Variants in PTPN12 observed in about 807,000 individuals in gnomAD.
The protein encoded by PTPN12 is tyrosine-protein phosphatase non-receptor type 12.
Under a neutral mutation model 97.6 loss-of-function variants are expected in PTPN12, and 29 were observed. That is an observed-to-expected ratio of 0.30 (90% CI 0.22 to 0.41). The LOEUF (loss-of-function observed/expected upper bound fraction) is 0.41, where lower values mean the gene tolerates loss of function less well. Ranked by LOEUF, PTPN12 falls within the 10% of genes least tolerant of loss-of-function variation. PTPN12 has a pLI of 1.00. For missense variants in PTPN12, 819 were observed against 926.0 expected, an observed-to-expected ratio of 0.88 and a Z score of 1.50; for synonymous variants, 327 against 300.4, an observed-to-expected ratio of 1.09 and a Z score of -0.91.
At chr7:77,549,502 A>G (rs1807380717) in intron 1 of PTPN12, among the ~76,000 whole-genome samples, 1 of 152,146 alleles carries the variant, frequency 6.6e-6, no homozygotes, top group Non-Finnish European at 1.5e-5. Flanking sequence ...ACCTAAATTT[A>G]AATTATAATT....
At chr7:77,538,040 G>C (rs984323933) in intron 1 of PTPN12, 2 of 1,008,692 alleles carry the variant, frequency 2.0e-6, no homozygotes, top group African/African-American at 3.5e-5. Context: ...GGAGGGTCGA[G>C]GCAAGGTATC....
chr7:77,588,390 T>C (rs372386915), intron 5 of PTPN12, among the ~76,000 whole-genome samples: 1 of 152,194 alleles, frequency 6.6e-6, no homozygotes, highest in African/African-American at 2.4e-5. Context: ...AATGGAACAG[T>C]GAGAATGCTC....
rs1046890026 is a variant in PTPN12, at chr7:77,545,934, T to A, written c.99+8289T>A. Reference sequence around the variant, plus strand: ...CTCAGAAAGCTTCCCTTTTATTTTATTTTATTTTATTTTTTTGAGACAAAG... The same window carrying A: ...CTCAGAAAGCTTCCCTTTTATTTTAATTTATTTTATTTTTTTGAGACAAAG... On this transcript the variant is annotated intron_variant, in intron 1 of 17. Coordinates refer to ENST00000248594, the MANE Select transcript of PTPN12 (RefSeq NM_002835.4). 6.6e-5 allele frequency: 10 copies of A among 152,244 alleles called. 1 individual carries two copies. The highest frequency in any genetic ancestry group is 2.4e-4 in the African/African-American group (10 of 41,536). The allele number at this position is 152,244 out of a possible 1,614,324, so 9.4% of individuals were successfully genotyped here.
At chr7:77,613,984 C>G (rs546074222) in intron 11 of PTPN12, among the ~76,000 whole-genome samples, 1 of 152,072 alleles carries the variant, frequency 6.6e-6, no homozygotes, top group African/African-American at 2.4e-5. Context: ...CTCAACCTCC[C>G]GGACTCAAGC....
At chr7:77,617,405 A>G (rs1788788965) in intron 11 of PTPN12, among the ~76,000 whole-genome samples, 1 of 152,148 alleles carries the variant, frequency 6.6e-6, no homozygotes, top group African/African-American at 2.4e-5. Context: ...TAAAACTATT[A>G]ATTCATCAGA....
At chr7:77,633,789 A>G (rs1296525004) in intron 14 of PTPN12, among the ~76,000 whole-genome samples, 1 of 152,068 alleles carries the variant, frequency 6.6e-6, no homozygotes, top group Non-Finnish European at 1.5e-5. Context: ...TTGGGAGTCC[A>G]AGGCGCGAGG....
chr7:77,543,691 C>T (rs1279151519), intron 1 of PTPN12, among the ~76,000 whole-genome samples: 3 of 152,126 alleles, frequency 2.0e-5, no homozygotes, highest in Non-Finnish European at 4.4e-5. Context: ...CCATAAGCCC[C>T]AGGCAACCAC....
intron 4 of PTPN12, among the ~76,000 whole-genome samples, chr7:77,584,000 A>C (rs1787604559): frequency 6.6e-6 from 1 of 152,230 alleles, no homozygotes; most frequent in Non-Finnish European, 1.5e-5. Flanking sequence ...CTTCTCAGGA[A>C]AATATATATA....
chr7:77,587,425 AATATTCATTAAACC>A (rs1236127732), intron 5 of PTPN12, among the ~76,000 whole-genome samples: 1 of 152,190 alleles, frequency 6.6e-6, no homozygotes, highest in African/African-American at 2.4e-5. Flanking sequence ...GTGAGCTTAA[AATATTCATTAAACC>A]ATGCAATAGG....
intron 12 of PTPN12, among the ~76,000 whole-genome samples, chr7:77,625,253 GTTTT>G (rs141984662): frequency 7.2e-6 from 1 of 139,346 alleles, no homozygotes; most frequent in African/African-American, 2.6e-5. Context: ...TTCTTCTTTG[GTTTT>G]TTTTTTTTTT....
intron 13 of PTPN12, among the ~76,000 whole-genome samples, chr7:77,631,473 G>A (rs1348839004): frequency 2.6e-5 from 4 of 152,254 alleles, no homozygotes; most frequent in Admixed American, 6.5e-5. Context: ...ATACAGGACC[G>A]TCGCATTTCT....
chr7:77,599,627 A>G (rs1788130510), intron 7 of PTPN12, among the ~76,000 whole-genome samples: 1 of 152,158 alleles, frequency 6.6e-6, no homozygotes, highest in African/African-American at 2.4e-5. Context: ...GGTAATAATA[A>G]TAAGTACCTT....
At chr7:77,551,678 T>C (rs1042235107) in intron 1 of PTPN12, among the ~76,000 whole-genome samples, 1 of 152,234 alleles carries the variant, frequency 6.6e-6, no homozygotes, top group Non-Finnish European at 1.5e-5. Context: ...CCCATAAACT[T>C]TGCTTCACCA....
intron 12 of PTPN12, among the ~76,000 whole-genome samples, chr7:77,620,659 A>G (rs1255677055): frequency 6.6e-6 from 1 of 152,254 alleles, no homozygotes; most frequent in Non-Finnish European, 1.5e-5. Flanking sequence ...TGTTTAAAGT[A>G]CATGATGGGG....
Position 77,583,653 on chromosome 7 carries a change from A to G in PTPN12, c.381+3A>G, listed in dbSNP as rs752967231. On this transcript the variant is annotated splice_donor_region_variant and intron_variant, in intron 4 of 17. Transcript: ENST00000248594. ...TGATATGGGAGTATAATGTTGTGGT[A>G]AGTAATTTACTTTTCACAATAAATT... 9 of 1,541,798 alleles carry G rather than the reference A, an allele frequency of 5.8e-6. 1 individual carries two copies. The East Asian group carries it at 9.0e-5, about 16-fold the overall frequency.
rs1472180663 is a variant in PTPN12 at position 77,537,749 on chromosome 7, G to T, written c.99+104G>T. 5 of 1,206,414 alleles carry T rather than the reference G, an allele frequency of 4.1e-6. No homozygotes were observed. The Admixed American group carries it at 1.3e-4, about 31-fold the overall frequency. The allele number at this position is 1,206,414 out of a possible 1,614,324, so 74.7% of individuals were successfully genotyped here. ...GCTTTGTGTACCTCTGTGAGGAGAG[G>T]GGCGGAGGGGGCGCGCACCAGCCGG... On this transcript the variant is annotated intron_variant, in intron 1 of 17. Transcript: ENST00000248594.
intron 14 of PTPN12, among the ~76,000 whole-genome samples, 198 bp downstream of exon 14, chr7:77,632,623 T>G (rs1035518507): frequency 8.5e-5 from 13 of 152,216 alleles, no homozygotes; most frequent in Non-Finnish European, 8.8e-5. Context: ...TCGATAGAAA[T>G]TACTGCATTT....
At chr7:77,616,560 C>G (rs1017498380) in intron 11 of PTPN12, among the ~76,000 whole-genome samples, 1 of 152,094 alleles carries the variant, frequency 6.6e-6, no homozygotes, top group African/African-American at 2.4e-5. Flanking sequence ...ACTCACTTGG[C>G]AACAAAATAT....
chr7:77,583,723 G>C, intron 4 of PTPN12, 73 bp downstream of exon 4: 1 of 897,936 alleles, frequency 1.1e-6, no homozygotes, highest in Non-Finnish European at 1.7e-6. Flanking sequence ...TACTGAATAA[G>C]GAATGAGGGG....
Sources: allele counts gnomAD v4.1 joint callset (sites outside exome capture counted in the v4.1 genomes callset), GRCh38; gene constraint gnomAD v4.1.1; transcripts MANE v1.5; gene names NCBI Gene and HGNC (gene_info 2026-07-23, HGNC 2026-07-21).